The following SESN1 variants were observed in gnomAD, a reference collection of about 807,000 sequenced individuals.
The protein encoded by SESN1 is sestrin 1, also known as sestrin-1.
Under a neutral mutation model 59.3 loss-of-function variants are expected in SESN1, and 30 were observed. The observed-to-expected ratio is 0.51, with a 90% CI of 0.38 to 0.69. SESN1 has a LOEUF of 0.69. Ranked by LOEUF, SESN1 falls within the 30% of genes least tolerant of loss-of-function variation. The pLI, the probability that SESN1 is intolerant of heterozygous loss-of-function variation, is 0.00. For missense variants in SESN1, 566 were observed against 673.0 expected, an observed-to-expected ratio of 0.84 and a Z score of 1.76; for synonymous variants, 197 against 219.9, an observed-to-expected ratio of 0.90 and a Z score of 0.92.
intron 1 of SESN1, among the ~76,000 whole-genome samples, chr6:109,064,341 A>G (rs547207842): frequency 1.3e-5 from 2 of 151,906 alleles, no homozygotes; most frequent in Admixed American, 6.6e-5. Flanking sequence ...CCTAGTCCAC[A>G]TATCAGGCTA....
At chr6:108,999,813 A>G (rs1254019011) in intron 4 of SESN1, 2 of 152,176 alleles carry the variant, frequency 1.3e-5, no homozygotes, top group Non-Finnish European at 2.9e-5. Context: ...ACAAAAAACA[A>G]GAAACAAAAA....
At chr6:109,030,108 C>T (rs1227404579) in intron 1 of SESN1, among the ~76,000 whole-genome samples, 3 of 152,152 alleles carry the variant, frequency 2.0e-5, no homozygotes, top group East Asian at 1.9e-4. Context: ...GTCTTAGACA[C>T]GTGTCTGCTT....
intron 1 of SESN1, among the ~76,000 whole-genome samples, chr6:109,018,959 T>C (rs914129825): frequency 6.6e-6 from 1 of 152,176 alleles, no homozygotes; most frequent in African/African-American, 2.4e-5. Flanking sequence ...TAAGAAAATA[T>C]AGAAATACTG....
chr6:109,067,460 T>G (rs1268751080), intron 1 of SESN1, among the ~76,000 whole-genome samples: 1 of 152,228 alleles, frequency 6.6e-6, no homozygotes, highest in Non-Finnish European at 1.5e-5. Context: ...CTAAGTAAGA[T>G]AACTGTCCTC....
At chr6:109,047,030 C>T (rs1173182154) in intron 1 of SESN1, among the ~76,000 whole-genome samples, 2 of 14,486 alleles carry the variant, frequency 1.4e-4, no homozygotes, top group African/African-American at 6.2e-4. Flanking sequence ...CCGCCCCATC[C>T]GGGAGGGAGG....
rs1261532465 is a variant in SESN1, at chr6:108,984,608, A to ACATTCAGC, written c.*2928_*2935dup. On this transcript the variant is annotated 3_prime_UTR_variant, in exon 10 of 10. Transcript: ENST00000436639. ...CATACAAATGTAGGGGAAGACACAAACATTCAGCCATCACATATCCCCTTG... is the reference window on the plus strand; with the variant it reads ...CATACAAATGTAGGGGAAGACACAAACATTCAGCCATTCAGCCATCACATATCCCCTTG... Among the ~76,000 whole-genome samples the ACATTCAGC allele has an allele frequency of 3.3e-5, 5 of 152,172 alleles. No individual in the cohort carries two copies. The highest frequency in any genetic ancestry group is 4.8e-5 in the African/African-American group (2 of 41,440).
In SESN1 at chr6:109,068,728, T is replaced by C. The variant is rs1386191776; in HGVS notation, c.279+25067A>G. On this transcript the variant is annotated intron_variant, in intron 1 of 9. Transcript: ENST00000436639. ...CCAGTGAAATTTCCTGGGCTTTTTT[T>C]TTTTTTTTTGAGGCAGAGCTTCACT... 2.0e-5 allele frequency among the ~76,000 whole-genome samples: 3 copies of C among 151,730 alleles called. No homozygotes were observed. In the East Asian group the frequency reaches 5.8e-4, roughly 29 times the overall value.
At chr6:109,048,275 C>T (rs1425022545) in intron 1 of SESN1, among the ~76,000 whole-genome samples, 2 of 152,140 alleles carry the variant, frequency 1.3e-5, no homozygotes, top group Non-Finnish European at 2.9e-5. Flanking sequence ...GTGGTGCAGG[C>T]AGTTTAACCA....
In SESN1 at chr6:109,094,019, T is replaced by C; in HGVS notation, c.55A>G (p.Thr19Ala). 6.2e-7 allele frequency: 1 copy of C among 1,614,212 alleles called. No individual in the cohort carries two copies. Among genetic ancestry groups the C allele is most frequent in the Non-Finnish European group, 8.5e-7 (1 of 1,180,030 alleles). The change falls in exon 1 of 10, where the codon ACT (threonine) becomes GCT (alanine). Residue 19 changes from threonine to alanine, a missense_variant. Thr to Ala is a moderately conservative substitution (Grantham distance 58). Coordinates refer to ENST00000436639, the MANE Select transcript of SESN1 (RefSeq NM_014454.3). Reference protein sequence around the residue: ...RWDGLCSRDSTTRETALENIR... With the variant: ...RWDGLCSRDSATRETALENIR... ...TTTTCCAATGCTGTCTCCCTAGTAGTTGAATCTCTGCTGCAGAGTCCATCC... is the reference window on the plus strand; with the variant it reads ...TTTTCCAATGCTGTCTCCCTAGTAGCTGAATCTCTGCTGCAGAGTCCATCC...
rs1781423388 is a variant in SESN1, at chr6:109,094,250, G to GTCACCCTC, written c.-185_-178dup. 1 of 654,644 alleles carries GTCACCCTC rather than the reference G, an allele frequency of 1.5e-6. No individual in the cohort carries two copies. 40.6% of individuals were successfully genotyped at this position (654,644 alleles called of 1,614,324 possible). A position where few individuals can be genotyped will look rare whatever the true frequency, so the allele number is the denominator to read the frequency against. On this transcript the variant is annotated 5_prime_UTR_variant, in exon 1 of 10. Transcript: ENST00000436639. ...TGCCTTCAGCCGATCTACAAGCTAG[G>GTCACCCTC]TCACCCTCTCACCCTCTCCTTGTAC... is the stretch of plus-strand genomic sequence containing the variant.
At chr6:109,009,279 T>G in intron 1 of SESN1, 1 of 1,256,366 alleles carries the variant, frequency 8.0e-7, no homozygotes, top group Non-Finnish European at 1.0e-6. Flanking sequence ...CAACGTGACC[T>G]CCGTGTTGCA....
At chr6:109,006,773 T>C (rs1043180208) in intron 1 of SESN1, among the ~76,000 whole-genome samples, 1 of 152,316 alleles carries the variant, frequency 6.6e-6, no homozygotes, top group Admixed American at 6.5e-5. Flanking sequence ...TGGTTACAAC[T>C]CTTTTCTAGT....
At chr6:109,080,598 T>C (rs1781105092) in intron 1 of SESN1, among the ~76,000 whole-genome samples, 1 of 152,172 alleles carries the variant, frequency 6.6e-6, no homozygotes, top group African/African-American at 2.4e-5. Context: ...TGGTTTCCCC[T>C]AGAAAAGTTT....
chr6:109,067,400 GGA>G (rs1780851122), intron 1 of SESN1, among the ~76,000 whole-genome samples: 1 of 152,114 alleles, frequency 6.6e-6, no homozygotes, highest in Non-Finnish European at 1.5e-5. Flanking sequence ...TGGACATTTT[GGA>G]GGTAAAAGAT....
At chr6:109,038,367 C>T (rs1178429031) in intron 1 of SESN1, among the ~76,000 whole-genome samples, 1 of 152,182 alleles carries the variant, frequency 6.6e-6, no homozygotes, top group Non-Finnish European at 1.5e-5. Flanking sequence ...TGGTACATGC[C>T]TATAGTCCCA....
intron 1 of SESN1, among the ~76,000 whole-genome samples, chr6:109,058,420 T>C (rs1181155001): frequency 6.6e-6 from 1 of 152,226 alleles, no homozygotes; most frequent in Middle Eastern, 3.2e-3. Flanking sequence ...ATAGCCTACG[T>C]GTGCAGTAGG....
rs895839049 is a variant in SESN1, at chr6:109,001,566, C to CT, written c.346-79dup. Reference sequence around the variant, plus strand: ...GAAGAAAATATACATGCGCTACACTCTAAGTATCATTTAGAAGCAGATTAA... The same window carrying CT: ...GAAGAAAATATACATGCGCTACACTCTTAAGTATCATTTAGAAGCAGATTAA... On this transcript the variant is annotated intron_variant, in intron 2 of 9. Coordinates refer to ENST00000436639, the MANE Select transcript of SESN1 (RefSeq NM_014454.3). 30 of 1,226,184 alleles carry CT rather than the reference C, an allele frequency of 2.4e-5. No homozygotes were observed. The Admixed American group carries it at 3.0e-4, about 12-fold the overall frequency. 76.0% of individuals were successfully genotyped at this position (1,226,184 alleles called of 1,614,324 possible).
intron 1 of SESN1, among the ~76,000 whole-genome samples, chr6:109,044,311 C>CCAAAAA (rs1780388697): frequency 1.1e-4 from 3 of 28,458 alleles, no homozygotes; most frequent in African/African-American, 6.1e-4. Flanking sequence ...GAACTTGCCT[C>CCAAAAA]AAAAAAAAAA....
chr6:109,006,131 T>C (rs1376642152), intron 1 of SESN1, among the ~76,000 whole-genome samples: 1 of 152,174 alleles, frequency 6.6e-6, no homozygotes, highest in Non-Finnish European at 1.5e-5. Context: ...TTATACTACC[T>C]GTAAACAAAG....
Sources: allele counts gnomAD v4.1 joint callset (sites outside exome capture counted in the v4.1 genomes callset), GRCh38; gene constraint gnomAD v4.1.1; transcripts MANE v1.5; gene names NCBI Gene and HGNC (gene_info 2026-07-23, HGNC 2026-07-21).